PCDHA11: variants seen among roughly 807,000 people sequenced by gnomAD.
PCDHA11 encodes the protein protocadherin alpha-11.
Under a neutral mutation model 70.3 loss-of-function variants are expected in PCDHA11, and 61 were observed. The observed-to-expected ratio is 0.87, with a 90% CI of 0.71 to 1.07. The LOEUF is 1.07. Ranked by LOEUF, PCDHA11 falls within the 50% of genes least tolerant of loss-of-function variation. The probability of loss-of-function intolerance (pLI) is 0.00; values close to 1 mark genes in which losing one functional copy is unlikely to be tolerated. For synonymous variants in PCDHA11, 633 were observed against 555.1 expected (o/e 1.14, Z -1.97); for missense variants, 1,324 against 1,237.5 (o/e 1.07, Z -1.05).
chr5:140,963,509 G>A, intron 1 of PCDHA11, among the ~76,000 whole-genome samples: 1 of 152,164 alleles, frequency 6.6e-6, no homozygotes, highest in Non-Finnish European at 1.5e-5. Flanking sequence ...CTCTTGAAGG[G>A]GTTCTCATAA....
chr5:140,967,745 G>T, intron 1 of PCDHA11: 1 of 1,614,184 alleles, frequency 6.2e-7, no homozygotes, highest in Non-Finnish European at 8.5e-7. Flanking sequence ...GGATTATGAG[G>T]AAGCCTCCTC....
chr5:140,989,517 G>A (rs782479733), intron 3 of PCDHA11, among the ~76,000 whole-genome samples: 4 of 152,186 alleles, frequency 2.6e-5, no homozygotes, highest in Non-Finnish European at 5.9e-5. Flanking sequence ...CCTGAGTTGA[G>A]GGCAGAGGAG....
chr5:141,000,615 A>G (rs2097951954), intron 3 of PCDHA11, among the ~76,000 whole-genome samples: 1 of 150,870 alleles, frequency 6.6e-6, no homozygotes, highest in South Asian at 2.1e-4. Context: ...TTTAGTAGAG[A>G]CAGGGTTTCA....
intron 1 of PCDHA11, among the ~76,000 whole-genome samples, chr5:140,974,558 C>A (rs984567503): frequency 4.5e-4 from 68 of 152,132 alleles, no homozygotes; most frequent in African/African-American, 1.6e-3. Context: ...GTTGCCCAGG[C>A]TGGAGTGCAA....
intron 1 of PCDHA11, among the ~76,000 whole-genome samples, chr5:140,919,088 T>C (rs2153552205): frequency 6.6e-6 from 1 of 152,378 alleles, no homozygotes; most frequent in South Asian, 2.1e-4. Context: ...TATTGAATTG[T>C]CTATTTCTCC....
At chr5:140,996,296 T>C (rs1252218880) in intron 3 of PCDHA11, among the ~76,000 whole-genome samples, 1 of 152,158 alleles carries the variant, frequency 6.6e-6, no homozygotes, top group African/African-American at 2.4e-5. Context: ...GAAGCACAGA[T>C]TGTAACAAAG....
At chr5:140,929,281 C>A in intron 1 of PCDHA11, 1 of 1,602,592 alleles carries the variant, frequency 6.2e-7, no homozygotes, top group Non-Finnish European at 8.5e-7. Context: ...ATCCTGTATT[C>A]AGATTCGGAA....
At chr5:140,971,632 A>G (rs1228797401) in intron 1 of PCDHA11, among the ~76,000 whole-genome samples, 2 of 152,158 alleles carry the variant, frequency 1.3e-5, no homozygotes, top group Admixed American at 6.5e-5. Context: ...AATTAGTACC[A>G]TGTGCCTACA....
intron 1 of PCDHA11, among the ~76,000 whole-genome samples, chr5:140,874,484 G>A (rs1438670057): frequency 6.6e-6 from 1 of 152,190 alleles, no homozygotes; most frequent in African/African-American, 2.4e-5. Context: ...AAAGCAAAAG[G>A]TTGATATCAA....
chr5:140,887,221 C>G lies in PCDHA11; in HGVS notation c.2391+15727C>G, dbSNP rs149306651. ...ACGCCATTCTCCTGCCTCAGCCTCCCGAGTAGCTGAGACTACCGGCGCCCG... is the reference window on the plus strand; with the variant it reads ...ACGCCATTCTCCTGCCTCAGCCTCCGGAGTAGCTGAGACTACCGGCGCCCG... On this transcript the variant is annotated intron_variant, in intron 1 of 3. Transcript: ENST00000398640. Among the ~76,000 whole-genome samples, 1,413 of 151,972 alleles carry G rather than the reference C, an allele frequency of 9.3e-3. 17 individuals carry two copies. The highest frequency in any genetic ancestry group is 0.033 in the African/African-American group (1,349 of 41,450).
intron 1 of PCDHA11, among the ~76,000 whole-genome samples, chr5:140,946,079 G>A (rs2093884371): frequency 6.6e-6 from 1 of 151,926 alleles, no homozygotes; most frequent in African/African-American, 2.4e-5. Context: ...GCAAACCACA[G>A]ATCTGATAAG....
At chr5:140,936,266 A>G (rs1407459228) in intron 1 of PCDHA11, among the ~76,000 whole-genome samples, 1 of 152,182 alleles carries the variant, frequency 6.6e-6, no homozygotes, top group African/African-American at 2.4e-5. Context: ...TCATGAAGAT[A>G]TATTCCTGTG....
chr5:140,969,454 A>T, intron 1 of PCDHA11: 1 of 1,511,824 alleles, frequency 6.6e-7, no homozygotes. Flanking sequence ...AACTGAGTAT[A>T]TATAGTATCC....
At chr5:141,000,833 G>A (rs1554257850) in intron 3 of PCDHA11, among the ~76,000 whole-genome samples, 2 of 151,930 alleles carry the variant, frequency 1.3e-5, no homozygotes, top group Non-Finnish European at 2.9e-5. Flanking sequence ...CTTGAGTCCA[G>A]GAGATCCAGT....
intron 1 of PCDHA11, chr5:140,966,880 C>T (rs1554228837): frequency 1.3e-6 from 2 of 1,588,288 alleles, no homozygotes; most frequent in Admixed American, 3.5e-5. Flanking sequence ...TGCTACCTGG[C>T]CCTGCGGCCT....
chr5:140,943,729 A>G (rs1215938127), intron 1 of PCDHA11, among the ~76,000 whole-genome samples: 1 of 152,374 alleles, frequency 6.6e-6, no homozygotes, highest in South Asian at 2.1e-4. Context: ...TGAGAGAATG[A>G]AAGTCCACAG....
intron 1 of PCDHA11, chr5:140,876,137 T>G (rs782331817): frequency 1.2e-6 from 2 of 1,613,916 alleles, no homozygotes; most frequent in Non-Finnish European, 8.5e-7. Context: ...AAACCAGAAC[T>G]AACAGGGTCT....
At chr5:140,924,907 A>AT (rs1242980267) in intron 1 of PCDHA11, among the ~76,000 whole-genome samples, 3,369 of 50,932 alleles carry the variant, frequency 0.066, 44 homozygotes, top group African/African-American at 0.099. Context: ...AAAAAAAAAT[A>AT]AAATAAAATA....
At chr5:141,000,421 A>ATTTTTTTTT (rs34755515) in intron 3 of PCDHA11, among the ~76,000 whole-genome samples, 3 of 27,980 alleles carry the variant, frequency 1.1e-4, no homozygotes, top group African/African-American at 1.8e-4. Flanking sequence ...ATATATATAT[A>ATTTTTTTTT]TTTTTTTTTT....
Sources: allele counts gnomAD v4.1 joint callset (sites outside exome capture counted in the v4.1 genomes callset), GRCh38; gene constraint gnomAD v4.1.1; transcripts MANE v1.5; gene names NCBI Gene and HGNC (gene_info 2026-07-23, HGNC 2026-07-21).